The following TCP11L1 variants were observed in gnomAD, a reference collection of about 807,000 sequenced individuals.
The protein encoded by TCP11L1 is T-complex protein 11-like protein 1.
TCP11L1 carries 28 observed loss-of-function variants against 48.9 expected under a neutral mutation model. The ratio of observed to expected loss-of-function variants is 0.57; its 90% CI spans 0.42 to 0.78. The LOEUF (loss-of-function observed/expected upper bound fraction) is 0.78, where lower values mean the gene tolerates loss of function less well. TCP11L1 is among the 30% of genes least tolerant of loss of function. TCP11L1 has a pLI of 0.00. For missense variants in TCP11L1, 505 were observed against 613.4 expected, an observed-to-expected ratio of 0.82 and a Z score of 1.87; for synonymous variants, 204 against 231.9, an observed-to-expected ratio of 0.88 and a Z score of 1.09.
At chr11:33,046,544 T>C (rs540983917) in intron 2 of TCP11L1, among the ~76,000 whole-genome samples, 6 of 152,332 alleles carry the variant, frequency 3.9e-5, no homozygotes, top group African/African-American at 1.2e-4. Flanking sequence ...AGGAATAAGG[T>C]CGTGGAAGCT....
At chr11:33,046,358 C>T (rs1033716) in intron 2 of TCP11L1, among the ~76,000 whole-genome samples, 107,387 of 152,232 alleles carry the variant, frequency 0.71, 38,060 homozygotes, top group East Asian at 0.87. Flanking sequence ...ATCTTGTCAG[C>T]CTGATGGCAT....
intron 1 of TCP11L1, among the ~76,000 whole-genome samples, chr11:33,041,767 CA>C (rs928910818): frequency 2.0e-5 from 3 of 150,448 alleles, no homozygotes. Flanking sequence ...AAAAAAAAAA[CA>C]AAAAAACAGG....
chr11:33,045,956 G>A (rs564861059), intron 2 of TCP11L1, among the ~76,000 whole-genome samples: 2 of 152,344 alleles, frequency 1.3e-5, no homozygotes, highest in South Asian at 2.1e-4. Context: ...TGCTACTTGA[G>A]ATAATGGGAA....
chr11:33,052,662 T>C (rs1342417277), intron 2 of TCP11L1, among the ~76,000 whole-genome samples: 1 of 152,194 alleles, frequency 6.6e-6, no homozygotes. Flanking sequence ...CTGTGGTGTT[T>C]GGAGCCATCA....
chr11:33,054,604 C>T lies in TCP11L1; in HGVS notation c.175C>T (p.Arg59Cys), dbSNP rs552405110. 2.2e-5 allele frequency: 35 copies of T among 1,612,392 alleles called. No homozygotes were observed. Among genetic ancestry groups the T allele is most frequent in the Non-Finnish European group, 2.8e-5 (33 of 1,179,556 alleles). ...AGTTTCTGTTACAGCTAGTCCTCCT[C>T]GCTTTGTGACAGTAGAAGAACTTCT... is the stretch of plus-strand genomic sequence containing the variant. ...RVQRPHSSPPRFVTVEELLET... is the reference protein window; with the variant it reads ...RVQRPHSSPPCFVTVEELLET... The change falls in exon 3 of 10, where the codon CGC becomes TGC. Residue 59 changes from arginine to cysteine, a missense_variant. Coordinates refer to ENST00000334274, the MANE Select transcript of TCP11L1 (RefSeq NM_018393.4).
intron 9 of TCP11L1, among the ~76,000 whole-genome samples, chr11:33,070,082 T>C (rs951723252): frequency 7.9e-5 from 12 of 151,776 alleles, no homozygotes; most frequent in African/African-American, 2.9e-4. Flanking sequence ...TTCGAGACTA[T>C]CTGGGCAGCA....
At chr11:33,056,144 C>T (rs1312157209) in intron 3 of TCP11L1, among the ~76,000 whole-genome samples, 2 of 152,066 alleles carry the variant, frequency 1.3e-5, no homozygotes, top group East Asian at 3.9e-4. Context: ...GAATCTTGCT[C>T]AGTTGCCTAG....
chr11:33,061,306 A>G (rs1212253374), intron 6 of TCP11L1, among the ~76,000 whole-genome samples: 2 of 152,208 alleles, frequency 1.3e-5, no homozygotes, highest in African/African-American at 4.8e-5. Context: ...TGGGTGTTGT[A>G]AATTTGCCTA....
chr11:33,054,666 C>G lies in TCP11L1; in HGVS notation c.237C>G (p.Ala79=), dbSNP rs763443120. The stretch of plus-strand genomic sequence containing the variant: ...GAGGTGTCACCAACATGGCTCTAGC[C>G]CATGAAATTGTAGTAAATGGAGACT... ...TARGVTNMAL[A]HEIVVNGDFQ... Residue 79 remains alanine (A), a synonymous_variant, in exon 3 of 10, where the codon GCC becomes GCG. Coordinates refer to ENST00000334274, the MANE Select transcript of TCP11L1 (RefSeq NM_018393.4). The G allele has an allele frequency of 1.2e-5, 19 of 1,613,630 alleles. No homozygotes were observed. The South Asian group carries it at 1.9e-4, about 16-fold the overall frequency.
At chr11:33,058,830 A>G (rs1854390687) in intron 5 of TCP11L1, 129 bp from the exon 6 acceptor site, 1 of 953,376 alleles carries the variant, frequency 1.0e-6, no homozygotes. Context: ...TCCTGGGCTC[A>G]AGCAGTCCTC....
intron 6 of TCP11L1, 118 bp downstream of exon 6, chr11:33,059,213 C>G: frequency 7.4e-7 from 1 of 1,359,732 alleles, no homozygotes; most frequent in South Asian, 1.5e-5. Flanking sequence ...GGAGAATAGT[C>G]TAATTTGAAG....
Position 33,073,145 on chromosome 11 carries a change from A to G in TCP11L1, c.*469A>G, listed in dbSNP as rs116250054. The G allele has an allele frequency of 5.8e-3, 937 of 161,562 alleles. 8 individuals are homozygous for G. Among genetic ancestry groups the G allele is most frequent in the African/African-American group, 0.021 (858 of 41,638 alleles). The allele number at this position is 161,562 out of a possible 1,614,324, so 10.0% of individuals were successfully genotyped here. A position where few individuals can be genotyped will look rare whatever the true frequency, so the allele number is the denominator to read the frequency against. On this transcript the variant is annotated 3_prime_UTR_variant, in exon 10 of 10. Transcript: ENST00000334274. Reference sequence around the variant, plus strand: ...CTGGTATTTTTGTTAGAAGGGCTATATAACGTCTTATTGCCATTTTCTCCC... The same window carrying G: ...CTGGTATTTTTGTTAGAAGGGCTATGTAACGTCTTATTGCCATTTTCTCCC...
At position 33,046,706 on chromosome 11, in the gene TCP11L1, G is replaced by C. The variant is rs563322159; in HGVS notation, c.163+2770G>C. The stretch of plus-strand genomic sequence containing the variant: ...GATAAAGCTAAGACCTCATTATCTG[G>C]GCATCAGGTAAGGAAGCATTATTGA... On this transcript the variant is annotated intron_variant, in intron 2 of 9. Transcript: ENST00000334274. Among the ~76,000 whole-genome samples, 62 of 152,230 alleles carry C rather than the reference G, an allele frequency of 4.1e-4. 1 individual carries two copies. The Middle Eastern group carries it at 0.014, about 34-fold the overall frequency.
chr11:33,071,844 T>G (rs184154930), intron 9 of TCP11L1, among the ~76,000 whole-genome samples: 19 of 152,054 alleles, frequency 1.2e-4, no homozygotes, highest in East Asian at 1.2e-3. Context: ...TCATTCATTT[T>G]TTTTGTTTTG....
chr11:33,059,739 C>T lies in TCP11L1; in HGVS notation c.775+644C>T, dbSNP rs552950225. Reference sequence around the variant, plus strand: ...CTGACGAGGAGATGAAAACAGCAGTCTCTGGGTTGGTTGGGTTGCCTGACC... The same window carrying T: ...CTGACGAGGAGATGAAAACAGCAGTTTCTGGGTTGGTTGGGTTGCCTGACC... On this transcript the variant is annotated intron_variant, in intron 6 of 9. Coordinates refer to ENST00000334274, the MANE Select transcript of TCP11L1 (RefSeq NM_018393.4). Among the ~76,000 whole-genome samples the T allele has an allele frequency of 4.6e-5, 7 of 152,322 alleles. No homozygotes were observed. In the East Asian group the frequency reaches 1.3e-3, roughly 29 times the overall value.
At chr11:33,050,875 G>T (rs1007297892) in intron 2 of TCP11L1, among the ~76,000 whole-genome samples, 1 of 151,474 alleles carries the variant, frequency 6.6e-6, no homozygotes, top group South Asian at 2.1e-4. Context: ...GTGCTGTGGC[G>T]GGGTCATGGC....
chr11:33,054,512 G>T, intron 2 of TCP11L1, 81 bp from the exon 3 acceptor site: 1 of 1,525,676 alleles, frequency 6.6e-7, no homozygotes, highest in Non-Finnish European at 8.9e-7. Context: ...TTATTGTCTG[G>T]TACCAGAACC....
chr11:33,043,706 C>G, intron 1 of TCP11L1, 44 bp from the exon 2 acceptor site: 1 of 1,515,690 alleles, frequency 6.6e-7, no homozygotes, highest in Non-Finnish European at 8.9e-7. Context: ...GGTGACAGAG[C>G]TAGAATACTT....
At chr11:33,062,509 A>G (rs1564984781) in intron 7 of TCP11L1, among the ~76,000 whole-genome samples, 1 of 152,252 alleles carries the variant, frequency 6.6e-6, no homozygotes, top group East Asian at 1.9e-4. Context: ...TAAAATACAC[A>G]TAACATAAAA....
Sources: gnomAD v4.1 joint callset for allele counts (sites outside exome capture counted in the v4.1 genomes callset) on GRCh38, gnomAD v4.1.1 for gene constraint, MANE v1.5 for transcripts, NCBI Gene and HGNC (gene_info 2026-07-23, HGNC 2026-07-21) for gene names.